KCNH7: variants seen among roughly 807,000 people sequenced by gnomAD.
KCNH7 encodes the protein potassium voltage-gated channel subfamily H member 7, also known as voltage-gated inwardly rectifying potassium channel KCNH7.
KCNH7 carries 49 observed loss-of-function variants against 120.8 expected under a neutral mutation model. The ratio of observed to expected loss-of-function variants is 0.41; its 90% CI spans 0.32 to 0.51. The LOEUF (loss-of-function observed/expected upper bound fraction) is 0.51, where lower values mean the gene tolerates loss of function less well. Among genes scored for constraint, KCNH7 ranks in the 20% least tolerant of loss-of-function variants. KCNH7 has a pLI of 0.38. For missense variants in KCNH7, 1,097 were observed against 1,446.6 expected, an observed-to-expected ratio of 0.76 and a Z score of 3.92; for synonymous variants, 547 against 516.1, an observed-to-expected ratio of 1.06 and a Z score of -0.81.
At chr2:162,838,055 T>G (rs536227213) in intron 1 of KCNH7, among the ~76,000 whole-genome samples, 2 of 152,342 alleles carry the variant, frequency 1.3e-5, no homozygotes, top group South Asian at 4.1e-4. Context: ...ACCATTTACA[T>G]TCTCTTGTTC....
At chr2:162,742,401 T>G (rs1688169949) in intron 2 of KCNH7, among the ~76,000 whole-genome samples, 2 of 152,190 alleles carry the variant, frequency 1.3e-5, no homozygotes, top group African/African-American at 4.8e-5. Context: ...TTTTTCTTAT[T>G]ATTAGAAGTT....
chr2:162,425,100 G>A (rs2105494865), intron 8 of KCNH7, among the ~76,000 whole-genome samples: 1 of 152,180 alleles, frequency 6.6e-6, no homozygotes, highest in South Asian at 2.1e-4. Flanking sequence ...TTGACTGTCT[G>A]AGCAGGAATA....
At chr2:162,701,349 T>A (rs1686491135) in intron 2 of KCNH7, among the ~76,000 whole-genome samples, 1 of 152,022 alleles carries the variant, frequency 6.6e-6, no homozygotes, top group Admixed American at 6.6e-5. Context: ...AGCAAATATA[T>A]GTATATATGT....
chr2:162,657,326 C>G (rs1174704756), intron 2 of KCNH7, among the ~76,000 whole-genome samples: 1 of 152,144 alleles, frequency 6.6e-6, no homozygotes, highest in African/African-American at 2.4e-5. Flanking sequence ...TTCCCCCTTT[C>G]CCTGAGCCCT....
chr2:162,543,050 C>T (rs1472875927), intron 2 of KCNH7, among the ~76,000 whole-genome samples: 1 of 152,024 alleles, frequency 6.6e-6, no homozygotes, highest in East Asian at 1.9e-4. Flanking sequence ...ATGTGGGAGG[C>T]TTGTGGCCTT....
intron 2 of KCNH7, among the ~76,000 whole-genome samples, chr2:162,661,689 T>G (rs1684964303): frequency 6.6e-6 from 1 of 152,036 alleles, no homozygotes; most frequent in African/African-American, 2.4e-5. Flanking sequence ...AAGAAGCTAT[T>G]TTAGGTAATG....
intron 2 of KCNH7, among the ~76,000 whole-genome samples, chr2:162,749,185 C>T (rs1688455463): frequency 6.6e-6 from 1 of 151,232 alleles, no homozygotes; most frequent in Admixed American, 6.6e-5. Flanking sequence ...TTCTCTTTTC[C>T]TCTGCTTTCC....
chr2:162,818,027 A>G (rs1025973425), intron 2 of KCNH7, among the ~76,000 whole-genome samples: 20 of 151,822 alleles, frequency 1.3e-4, no homozygotes, highest in African/African-American at 4.6e-4. Context: ...ATCAGTTTTT[A>G]TTTTCTTAAT....
chr2:162,530,831 G>T (rs1247940936), intron 3 of KCNH7, among the ~76,000 whole-genome samples: 1 of 151,666 alleles, frequency 6.6e-6, no homozygotes, highest in Non-Finnish European at 1.5e-5. Context: ...AATCAGCAGG[G>T]GTTTGCCAAA....
chr2:162,612,421 A>G (rs1682999425), intron 2 of KCNH7, among the ~76,000 whole-genome samples: 1 of 152,178 alleles, frequency 6.6e-6, no homozygotes. Context: ...TCTAAAAATT[A>G]CACATTTTTA....
intron 2 of KCNH7, among the ~76,000 whole-genome samples, chr2:162,824,196 A>G (rs1313015061): frequency 6.6e-6 from 1 of 152,206 alleles, no homozygotes; most frequent in African/African-American, 2.4e-5. Flanking sequence ...GCAGCCAGTA[A>G]TTAAGACAAA....
At chr2:162,718,330 A>G (rs770950459) in intron 2 of KCNH7, among the ~76,000 whole-genome samples, 1 of 152,038 alleles carries the variant, frequency 6.6e-6, no homozygotes, top group African/African-American at 2.4e-5. Flanking sequence ...CACTGACTTC[A>G]ATGACCATCA....
At chr2:162,542,977 G>A (rs1267836666) in intron 2 of KCNH7, among the ~76,000 whole-genome samples, 15 of 152,002 alleles carry the variant, frequency 9.9e-5, no homozygotes. Flanking sequence ...AAAAATAAAT[G>A]GGATAGACAG....
Position 162,480,067 on chromosome 2 carries a change from G to C in KCNH7, c.1128+24376C>G, listed in dbSNP as rs150538758. On this transcript the variant is annotated intron_variant, in intron 6 of 15. Transcript: ENST00000332142. Reference sequence around the variant, plus strand: ...TATTTTAAGACATTAGGAGAGGAAAGAAAATCTCTAGTTGAAGGCAAGCAT... The same window carrying C: ...TATTTTAAGACATTAGGAGAGGAAACAAAATCTCTAGTTGAAGGCAAGCAT... Among the ~76,000 whole-genome samples the C allele has an allele frequency of 9.9e-5, 15 of 152,136 alleles. 1 individual carries two copies. In the East Asian group the frequency reaches 2.9e-3, roughly 29 times the overall value.
At chr2:162,640,968 C>G (rs1216530308) in intron 2 of KCNH7, among the ~76,000 whole-genome samples, 1 of 151,962 alleles carries the variant, frequency 6.6e-6, no homozygotes, top group Admixed American at 6.6e-5. Context: ...CAAATTAAAA[C>G]CAAAATGAGA....
At chr2:162,713,742 TTTTG>T (rs1322956102) in intron 2 of KCNH7, among the ~76,000 whole-genome samples, 1 of 152,104 alleles carries the variant, frequency 6.6e-6, no homozygotes, top group African/African-American at 2.4e-5. Context: ...TGTTTTTCTT[TTTTG>T]TTTGTTTGTT....
At chr2:162,694,477 A>AGTGT (rs71009366) in intron 2 of KCNH7, among the ~76,000 whole-genome samples, 5,266 of 146,370 alleles carry the variant, frequency 0.036, 205 homozygotes, top group African/African-American at 0.1. Flanking sequence ...TGTGTGAAAG[A>AGTGT]GTGTGTGTGT....
intron 2 of KCNH7, among the ~76,000 whole-genome samples, chr2:162,669,450 A>G (rs1024846419): frequency 1.1e-4 from 17 of 152,240 alleles, no homozygotes; most frequent in African/African-American, 4.1e-4. Flanking sequence ...GAAAGAAAAC[A>G]ACTCTCAACA....
chr2:162,672,277 A>T (rs1685386481), intron 2 of KCNH7, among the ~76,000 whole-genome samples: 1 of 152,118 alleles, frequency 6.6e-6, no homozygotes, highest in African/African-American at 2.4e-5. Context: ...AACTTTTAGC[A>T]AATTTCAAGA....
Sources: allele counts gnomAD v4.1 joint callset (sites outside exome capture counted in the v4.1 genomes callset), GRCh38; gene constraint gnomAD v4.1.1; transcripts MANE v1.5; gene names NCBI Gene and HGNC (gene_info 2026-07-23, HGNC 2026-07-21).